The following PRR5L variants were observed in gnomAD, a reference collection of about 807,000 sequenced individuals.
The protein encoded by PRR5L is proline rich 5 like.
A neutral mutation model predicts 36.4 loss-of-function variants in PRR5L; 21 were observed. The ratio of observed to expected loss-of-function variants is 0.58; its 90% CI spans 0.41 to 0.83. PRR5L has a LOEUF of 0.83. Among genes scored for constraint, PRR5L ranks in the 40% least tolerant of loss-of-function variants. The pLI is 0.00. For missense variants in PRR5L, 381 were observed against 473.3 expected (o/e 0.80, Z 1.81); for synonymous variants, 188 against 197.0 (o/e 0.95, Z 0.38).
At chr11:36,336,093 C>T (rs1856766142) in intron 1 of PRR5L, among the ~76,000 whole-genome samples, 1 of 152,198 alleles carries the variant, frequency 6.6e-6, no homozygotes, top group Non-Finnish European at 1.5e-5. Context: ...TAGTGAGCTG[C>T]CTCAGACCCA....
rs551012955 is a variant in PRR5L, at chr11:36,465,195, G to A, written c.*2459G>A. On this transcript the variant is annotated 3_prime_UTR_variant, in exon 9 of 9. Coordinates refer to ENST00000530639, the MANE Select transcript of PRR5L (RefSeq NM_001160167.2). Reference sequence around the variant, plus strand: ...AAATGGATTCAATAAACAACATTTTGTCCATGTTACCCTATTCTCATGCTG... The same window carrying A: ...AAATGGATTCAATAAACAACATTTTATCCATGTTACCCTATTCTCATGCTG... 3.7e-4 allele frequency: 56 copies of A among 152,108 alleles called. No homozygotes were observed. The highest frequency in any genetic ancestry group is 1.3e-3 in the African/African-American group (55 of 41,506). 9.4% of individuals were successfully genotyped at this position (152,108 alleles called of 1,614,324 possible).
rs958758682 is a variant in PRR5L, at chr11:36,377,174, C to T, written c.-125-23823C>T. Among the ~76,000 whole-genome samples, 34 of 152,296 alleles carry T rather than the reference C, an allele frequency of 2.2e-4. No individual in the cohort carries two copies. The highest frequency in any genetic ancestry group is 7.5e-4 in the African/African-American group (31 of 41,580). On this transcript the variant is annotated intron_variant, in intron 1 of 8. Transcript: ENST00000530639. This position sits in a 1 kb window ranked among gnomAD's most constrained non-coding sequence, Gnocchi z 5.1. ...CTGCAGCAGCCTTTTCCCGGCGGTCCCCCTTTTTCTGGAGGGAGGCGTGGG... is the reference window on the plus strand; with the variant it reads ...CTGCAGCAGCCTTTTCCCGGCGGTCTCCCTTTTTCTGGAGGGAGGCGTGGG...
At chr11:36,428,110 C>T (rs529545213) in intron 4 of PRR5L, among the ~76,000 whole-genome samples, 10 of 152,280 alleles carry the variant, frequency 6.6e-5, no homozygotes, top group Middle Eastern at 3.4e-3. Context: ...CTCCCTGTAC[C>T]GGTGCGGAGG....
chr11:36,301,740 G>A (rs1198685222), intron 1 of PRR5L, among the ~76,000 whole-genome samples: 2 of 152,176 alleles, frequency 1.3e-5, no homozygotes, highest in East Asian at 3.8e-4. Context: ...CAATTCAAAT[G>A]CAATGGAGCA....
rs1858791477 is a variant in PRR5L at position 36,444,691 on chromosome 11, A to G, written c.445-1609A>G. On this transcript the variant is annotated intron_variant, in intron 6 of 8. Transcript: ENST00000530639. ...TGCTTTGCAGTCTTTCCTTCCCACC[A>G]GAATTGCTGTTCTAGTTTCTAGAAG... 1.3e-5 allele frequency among the ~76,000 whole-genome samples: 2 copies of G among 152,168 alleles called. 1 individual carries two copies. The highest frequency in any genetic ancestry group is 3.8e-4 in the East Asian group (2 of 5,200).
At chr11:36,320,203 T>C (rs1181405794) in intron 1 of PRR5L, among the ~76,000 whole-genome samples, 1 of 151,912 alleles carries the variant, frequency 6.6e-6, no homozygotes, top group African/African-American at 2.4e-5. Context: ...GGGTCTCAGT[T>C]CTTCAAGAAC....
At chr11:36,343,220 A>C (rs1209106508) in intron 1 of PRR5L, among the ~76,000 whole-genome samples, 1 of 152,244 alleles carries the variant, frequency 6.6e-6, no homozygotes, top group African/African-American at 2.4e-5. Context: ...AATGTTAAAA[A>C]AACAGAAAAG....
At chr11:36,354,319 T>C (rs1857004364) in intron 1 of PRR5L, among the ~76,000 whole-genome samples, 1 of 152,246 alleles carries the variant, frequency 6.6e-6, no homozygotes, top group Non-Finnish European at 1.5e-5. Flanking sequence ...GTTTATACTA[T>C]TTTATTGCTA....
At chr11:36,380,020 A>C (rs1857341591) in intron 1 of PRR5L, among the ~76,000 whole-genome samples, 1 of 152,150 alleles carries the variant, frequency 6.6e-6, no homozygotes. Context: ...TCTTTTCAGT[A>C]CATTTTGATA....
At chr11:36,310,809 G>T (rs949439817) in intron 1 of PRR5L, among the ~76,000 whole-genome samples, 1 of 151,758 alleles carries the variant, frequency 6.6e-6, no homozygotes, top group Non-Finnish European at 1.5e-5. Flanking sequence ...CCATCCTGGC[G>T]AACATGGTGA....
intron 5 of PRR5L, among the ~76,000 whole-genome samples, chr11:36,434,438 C>T (rs950770934): frequency 1.8e-4 from 27 of 152,154 alleles, no homozygotes; most frequent in African/African-American, 3.6e-4. Flanking sequence ...TCGACATCTC[C>T]GCTTAGGTAC....
chr11:36,335,527 G>C (rs1197152114), intron 1 of PRR5L, among the ~76,000 whole-genome samples: 1 of 152,092 alleles, frequency 6.6e-6, no homozygotes, highest in African/African-American at 2.4e-5. Flanking sequence ...ATTATTTAGG[G>C]TAGAAACAGG....
In PRR5L at chr11:36,451,245, T is replaced by C; in HGVS notation, c.622T>C (p.Leu208=). Residue 208 remains leucine, a synonymous_variant, in exon 8 of 9, where the codon TTG becomes CTG. Coordinates refer to ENST00000530639, the MANE Select transcript of PRR5L (RefSeq NM_001160167.2). ...HEPTGPSESY[L]QLEELVKQVV... is the part of the protein sequence containing the mutation. ...GCCCACAGGCCCAAGTGAGAGTTAT[T>C]TGCAACTGGAGGAGCTGGTGAAGCA... 1 of 1,614,192 alleles carries C rather than the reference T, an allele frequency of 6.2e-7. No homozygotes were observed. Among genetic ancestry groups the C allele is most frequent in the South Asian group, 1.1e-5 (1 of 91,086 alleles).
chr11:36,423,057 T>C (rs1411441664), intron 4 of PRR5L, among the ~76,000 whole-genome samples: 1 of 152,084 alleles, frequency 6.6e-6, no homozygotes, highest in Non-Finnish European at 1.5e-5. Flanking sequence ...TTGTGTGTTA[T>C]AAGCTTTTGC....
rs764767297 is a variant in PRR5L at position 36,446,332 on chromosome 11, G to A, written c.477G>A (p.Leu159=). 2 of 1,614,048 alleles carry A rather than the reference G, an allele frequency of 1.2e-6. No individual in the cohort carries two copies. Among genetic ancestry groups the A allele is most frequent in the South Asian group, 2.2e-5 (2 of 91,080 alleles). The change falls in exon 7 of 9, where the codon CTG becomes CTA. Residue 159 remains leucine, a synonymous_variant. Transcript: ENST00000530639. ...AGCTGACTATCCGCCAGATCTCCCT[G>A]CTGGGCTTCCGAGACCTAGTCTTGC... ...GQELTIRQIS[L]LGFRDLVLLK...
chr11:36,345,478 G>T (rs1386060049), intron 1 of PRR5L, among the ~76,000 whole-genome samples: 3 of 152,110 alleles, frequency 2.0e-5, no homozygotes, highest in African/African-American at 7.2e-5. Flanking sequence ...GGAATTCTGT[G>T]CATGCCCTGA....
chr11:36,351,611 T>A lies in PRR5L; in HGVS notation c.-125-49386T>A, dbSNP rs867456063. Among the ~76,000 whole-genome samples the A allele has an allele frequency of 2.9e-4, 5 of 17,298 alleles. 1 individual carries two copies. Among genetic ancestry groups the A allele is most frequent in the African/African-American group, 2.6e-3 (5 of 1,902 alleles). The allele number at this position is 17,298 out of a possible 152,430, so 11.3% of individuals were successfully genotyped here. ...TTTATATATTTATATAAATATATATTTATATATTTATATATTTATATAAAT... is the reference window on the plus strand; with the variant it reads ...TTTATATATTTATATAAATATATATATATATATTTATATATTTATATAAAT... On this transcript the variant is annotated intron_variant, in intron 1 of 8. Coordinates refer to ENST00000530639, the MANE Select transcript of PRR5L (RefSeq NM_001160167.2).
At chr11:36,363,529 C>A (rs1178305107) in intron 1 of PRR5L, among the ~76,000 whole-genome samples, 3 of 152,220 alleles carry the variant, frequency 2.0e-5, no homozygotes, top group Non-Finnish European at 4.4e-5. Flanking sequence ...AATGACCTGA[C>A]TCTTGTCTTT....
At chr11:36,448,855 C>A (rs1037932216) in intron 7 of PRR5L, among the ~76,000 whole-genome samples, 1 of 151,328 alleles carries the variant, frequency 6.6e-6, no homozygotes, top group Non-Finnish European at 1.5e-5. Context: ...GGCGACTTTT[C>A]TCAAGGTCTT....
Sources: gnomAD v4.1 joint callset for allele counts (sites outside exome capture counted in the v4.1 genomes callset) on GRCh38, gnomAD v4.1.1 for gene constraint, Gnocchi (gnomAD v3.1) non-coding constraint, MANE v1.5 for transcripts, NCBI Gene and HGNC (gene_info 2026-07-23, HGNC 2026-07-21) for gene names.